ASPH: variants seen among roughly 807,000 people sequenced by gnomAD.
The protein encoded by ASPH is aspartate beta-hydroxylase.
A neutral mutation model predicts 118.4 loss-of-function variants in ASPH; 100 were observed. The ratio of observed to expected loss-of-function variants is 0.84; its 90% confidence interval spans 0.72 to 1.00. The LOEUF is 1.00. Ranked by LOEUF, ASPH falls within the 50% of genes least tolerant of loss-of-function variation. The pLI is 0.00. For synonymous variants in ASPH, 315 were observed against 325.6 expected (o/e 0.97, Z 0.35); for missense variants, 920 against 919.5 (o/e 1.00, Z -0.01).
intron 13 of ASPH, among the ~76,000 whole-genome samples, chr8:61,626,682 T>C (rs1331645337): frequency 1.3e-5 from 2 of 151,518 alleles, no homozygotes; most frequent in South Asian, 2.1e-4. Context: ...ATTTAAAATA[T>C]ATTGCTTTAA....
chr8:61,626,108 A>G, intron 13 of ASPH: 1 of 1,249,556 alleles, frequency 8.0e-7, no homozygotes, highest in Non-Finnish European at 1.0e-6. Flanking sequence ...AAAAAAATAC[A>G]CTAAAATGCC....
At chr8:61,597,347 T>C (rs995227151) in intron 14 of ASPH, among the ~76,000 whole-genome samples, 1 of 152,034 alleles carries the variant, frequency 6.6e-6, no homozygotes, top group African/African-American at 2.4e-5. Context: ...CAAGACCCTG[T>C]CTCAAGAAAA....
At chr8:61,663,411 C>A (rs964051613) in intron 3 of ASPH, 1 of 985,292 alleles carries the variant, frequency 1.0e-6, no homozygotes, top group Non-Finnish European at 1.2e-6. Flanking sequence ...AAACTAGAGA[C>A]TGGTCTGGAG....
At chr8:61,603,754 T>C (rs1302698275) in intron 14 of ASPH, among the ~76,000 whole-genome samples, 1 of 152,050 alleles carries the variant, frequency 6.6e-6, no homozygotes, top group Non-Finnish European at 1.5e-5. Context: ...GGGAAGTAAA[T>C]TAATGACTAG....
intron 14 of ASPH, among the ~76,000 whole-genome samples, chr8:61,588,141 A>G (rs1340365476): frequency 6.6e-6 from 1 of 152,212 alleles, no homozygotes; most frequent in Non-Finnish European, 1.5e-5. Flanking sequence ...GGTTTAGGAG[A>G]AAGCTATCTA....
chr8:61,521,171 A>G (rs1414495172), intron 22 of ASPH, among the ~76,000 whole-genome samples: 1 of 152,204 alleles, frequency 6.6e-6, no homozygotes, highest in Admixed American at 6.5e-5. Flanking sequence ...GTTGTATTTT[A>G]TAGAAAGGCA....
At chr8:61,664,599 G>A in intron 3 of ASPH, 3 of 986,658 alleles carry the variant, frequency 3.0e-6, no homozygotes, top group African/African-American at 3.5e-5. Context: ...GGAGTGAGGG[G>A]CAGCGGTGAG....
intron 21 of ASPH, among the ~76,000 whole-genome samples, chr8:61,535,332 C>A (rs1481414364): frequency 1.3e-5 from 2 of 152,050 alleles, no homozygotes; most frequent in Non-Finnish European, 2.9e-5. Flanking sequence ...TTCGCAGGAG[C>A]AAAATAAAAC....
chr8:61,668,245 GT>G, intron 3 of ASPH: 1 of 1,609,112 alleles, frequency 6.2e-7, no homozygotes, highest in Non-Finnish European at 8.5e-7. Flanking sequence ...TTTAGCCTTA[GT>G]TTTTCTCTTG....
Position 61,680,957 on chromosome 8 carries a change from T to A in ASPH, c.322+11A>T. 6.3e-7 allele frequency: 1 copy of A among 1,589,278 alleles called. No individual in the cohort carries two copies. Among genetic ancestry groups the A allele is most frequent in the Non-Finnish European group, 8.6e-7 (1 of 1,167,290 alleles). ...ATCACCACTAACAAAAAACATAAAA[T>A]GTGTACTTGCCTAATAAAACTTTGG... On this transcript the variant is annotated intron_variant, in intron 3 of 24. Coordinates refer to ENST00000379454, the MANE Select transcript of ASPH (RefSeq NM_004318.4).
chr8:61,586,671 G>T (rs1839556128), intron 14 of ASPH, among the ~76,000 whole-genome samples: 1 of 152,134 alleles, frequency 6.6e-6, no homozygotes, highest in African/African-American at 2.4e-5. Context: ...GTTCCAAAAG[G>T]GTTAGTTACC....
rs192548163 is a variant in ASPH at position 61,578,478 on chromosome 8, G to C, written c.1063-1620C>G. The C allele has an allele frequency of 5.5e-4, 884 of 1,594,936 alleles. 7 individuals carry two copies. The East Asian group carries it at 0.016, about 30-fold the overall frequency. On this transcript the variant is annotated intron_variant, in intron 15 of 24. Transcript: ENST00000379454. ...GGAGGTGGACCCCAACATCCAGGCT[G>C]TGTGCACCCAGGAGAAGGAGCAGAT...
chr8:61,663,598 C>G, intron 3 of ASPH: 1 of 985,372 alleles, frequency 1.0e-6, no homozygotes, highest in Non-Finnish European at 1.2e-6. Context: ...CCAAACAAAG[C>G]AGCTGTAGAA....
chr8:61,570,767 C>T (rs1300999543), intron 16 of ASPH, among the ~76,000 whole-genome samples: 1 of 152,186 alleles, frequency 6.6e-6, no homozygotes, highest in Non-Finnish European at 1.5e-5. Flanking sequence ...ATGTTAACAT[C>T]GCAAAGCCTT....
At position 61,518,321 on chromosome 8, in the gene ASPH, C is replaced by T. The variant is rs577132195; in HGVS notation, c.1901-198G>A. Among the ~76,000 whole-genome samples the T allele has an allele frequency of 2.0e-5, 3 of 152,168 alleles. No individual in the cohort carries two copies. In the South Asian group the frequency reaches 6.2e-4, roughly 32 times the overall value. ...TCAATAAAGAAGACGTGTCTTGCTC[C>T]AATAGGTAGTGACTGGCAGAGCAGG... is the stretch of plus-strand genomic sequence containing the variant. On this transcript the variant is annotated intron_variant, in intron 22 of 24. Transcript: ENST00000379454.
intron 3 of ASPH, among the ~76,000 whole-genome samples, chr8:61,670,915 A>C (rs1298145551): frequency 6.6e-6 from 1 of 152,114 alleles, no homozygotes; most frequent in Non-Finnish European, 1.5e-5. Flanking sequence ...ACAGAGGAAT[A>C]AAATGACCCT....
intron 16 of ASPH, among the ~76,000 whole-genome samples, chr8:61,571,484 T>C (rs959944710): frequency 6.6e-6 from 1 of 152,228 alleles, no homozygotes; most frequent in Non-Finnish European, 1.5e-5. Context: ...AGATTACTTA[T>C]TATACCCAAT....
At chr8:61,601,185 A>C (rs1365421600) in intron 14 of ASPH, among the ~76,000 whole-genome samples, 2 of 151,216 alleles carry the variant, frequency 1.3e-5, no homozygotes, top group African/African-American at 4.9e-5. Flanking sequence ...TAATAGGACA[A>C]GCAGAGAGAA....
intron 12 of ASPH, 65 bp downstream of exon 12, chr8:61,637,882 A>C (rs1858569068): frequency 6.8e-7 from 1 of 1,468,102 alleles, no homozygotes; most frequent in Admixed American, 1.9e-5. Flanking sequence ...TGTTCGATAA[A>C]TAACTGAATA....
Sources: gnomAD v4.1 joint callset for allele counts (sites outside exome capture counted in the v4.1 genomes callset) on GRCh38, gnomAD v4.1.1 for gene constraint, MANE v1.5 for transcripts, NCBI Gene and HGNC (gene_info 2026-07-23, HGNC 2026-07-21) for gene names.